The following FBN2 variants were observed in gnomAD, a reference collection of about 807,000 sequenced individuals.
The protein encoded by FBN2 is fibrillin 2.
FBN2 carries 105 observed loss-of-function variants against 355.6 expected under a neutral mutation model. The ratio of observed to expected loss-of-function variants is 0.30; its 90% CI spans 0.25 to 0.35. FBN2 has a LOEUF of 0.35. Among genes scored for constraint, FBN2 ranks in the 10% least tolerant of loss-of-function variants. The pLI is 1.00. For missense variants in FBN2, 3,280 were observed against 3,758.7 expected, an observed-to-expected ratio of 0.87 and a Z score of 3.33; for synonymous variants, 1,350 against 1,301.2, an observed-to-expected ratio of 1.04 and a Z score of -0.81.
chr5:128,497,103 A>T (rs1755675043), intron 5 of FBN2, among the ~76,000 whole-genome samples: 1 of 152,218 alleles, frequency 6.6e-6, no homozygotes, highest in South Asian at 2.1e-4. Flanking sequence ...CAAATTGAAC[A>T]ATGATTTAAG....
At chr5:128,270,385 C>A (rs533617577) in intron 62 of FBN2, among the ~76,000 whole-genome samples, 1 of 151,934 alleles carries the variant, frequency 6.6e-6, no homozygotes. Context: ...AAAAATGAGC[C>A]GGGCATGGTG....
chr5:128,357,131 T>C, intron 20 of FBN2, 145 bp downstream of exon 20: 2 of 996,414 alleles, frequency 2.0e-6, no homozygotes, highest in Non-Finnish European at 3.1e-6. Flanking sequence ...TTTACCTCTA[T>C]ATTGATATTG....
chr5:128,345,487 G>A lies in FBN2; in HGVS notation c.3087C>T (p.Val1029=), dbSNP rs777392642. Residue 1029 remains valine (V), a synonymous_variant, in exon 24 of 65, where the codon GTC becomes GTT. Transcript: ENST00000262464. ...KFRMDACCCA[V]GAAWGTECEE... is the part of the protein sequence containing the mutation. ...CACACTCGGTGCCCCAAGCCGCCCCGACAGCACAGCAGCAGGCATCCATGC... is the reference window on the plus strand; with the variant it reads ...CACACTCGGTGCCCCAAGCCGCCCCAACAGCACAGCAGCAGGCATCCATGC... The A allele has an allele frequency of 7.9e-5, 128 of 1,614,000 alleles. No individual in the cohort carries two copies. In the African/African-American group the frequency reaches 1.1e-3, roughly 14 times the overall value.
intron 7 of FBN2, among the ~76,000 whole-genome samples, chr5:128,440,408 A>G (rs2127046256): frequency 6.6e-6 from 1 of 152,324 alleles, no homozygotes; most frequent in South Asian, 2.1e-4. Flanking sequence ...ACATACAATC[A>G]TGGTGGAAGG....
chr5:128,481,096 C>T (rs1755172414), intron 5 of FBN2, among the ~76,000 whole-genome samples: 1 of 152,078 alleles, frequency 6.6e-6, no homozygotes, highest in South Asian at 2.1e-4. Context: ...AGCCAGGTTT[C>T]ACAGCCTGAA....
intron 5 of FBN2, among the ~76,000 whole-genome samples, chr5:128,484,352 T>G (rs1755277152): frequency 6.6e-6 from 1 of 152,138 alleles, no homozygotes. Context: ...TCACCTTAAC[T>G]AAAACTGCAA....
chr5:128,472,972 C>A (rs190067563), intron 5 of FBN2, among the ~76,000 whole-genome samples: 79 of 152,224 alleles, frequency 5.2e-4, no homozygotes, highest in South Asian at 1.5e-3. Flanking sequence ...TGCAGAGTCA[C>A]CATGGAGGGC....
At chr5:128,265,856 C>A (rs62374974) in intron 62 of FBN2, among the ~76,000 whole-genome samples, 3,161 of 152,274 alleles carry the variant, frequency 0.021, 46 homozygotes, top group Non-Finnish European at 0.032. Context: ...GGTTTAGTAA[C>A]ATCGTAGGTT....
chr5:128,465,167 T>G (rs1754676005), intron 5 of FBN2, among the ~76,000 whole-genome samples: 1 of 152,242 alleles, frequency 6.6e-6, no homozygotes, highest in Admixed American at 6.5e-5. Context: ...GATACAGATG[T>G]GCCTTCTTGG....
At chr5:128,328,176 G>T in intron 34 of FBN2, 2 of 186,984 alleles carry the variant, frequency 1.1e-5, no homozygotes, top group Admixed American at 5.4e-5. Context: ...TCTAGGAAAG[G>T]TGGATGATGT....
chr5:128,386,870 T>C (rs1262161257), intron 11 of FBN2, among the ~76,000 whole-genome samples: 1 of 152,146 alleles, frequency 6.6e-6, no homozygotes. Context: ...TTTACATCTA[T>C]GTTCGTCAAG....
intron 19 of FBN2, among the ~76,000 whole-genome samples, chr5:128,359,542 T>C (rs1751585721): frequency 1.3e-5 from 2 of 152,116 alleles, no homozygotes; most frequent in Non-Finnish European, 2.9e-5. Context: ...AAATCATTTT[T>C]ATTTCCTCCA....
At chr5:128,437,450 T>A (rs35125688) in intron 7 of FBN2, among the ~76,000 whole-genome samples, 9,419 of 152,274 alleles carry the variant, frequency 0.062, 386 homozygotes, top group Admixed American at 0.085. Context: ...GAATGGAGTA[T>A]CTCTAGATTT....
chr5:128,402,154 T>A (rs1453606377), intron 8 of FBN2, among the ~76,000 whole-genome samples: 1 of 151,990 alleles, frequency 6.6e-6, no homozygotes, highest in Non-Finnish European at 1.5e-5. Flanking sequence ...TATTAAAAAA[T>A]GTATCATGTG....
At chr5:128,298,750 C>A (rs929107174) in intron 48 of FBN2, among the ~76,000 whole-genome samples, 10 of 152,092 alleles carry the variant, frequency 6.6e-5, no homozygotes, top group Non-Finnish European at 1.2e-4. Context: ...AAATTTTTTT[C>A]AAAGTTTTCA....
At chr5:128,337,002 C>T (rs908890039) in intron 27 of FBN2, among the ~76,000 whole-genome samples, 10 of 151,948 alleles carry the variant, frequency 6.6e-5, no homozygotes, top group Non-Finnish European at 1.3e-4. Context: ...CTGCATTGTT[C>T]CTTTGGGGGA....
intron 7 of FBN2, among the ~76,000 whole-genome samples, chr5:128,430,712 C>T (rs1202374634): frequency 6.6e-6 from 1 of 151,936 alleles, no homozygotes; most frequent in Non-Finnish European, 1.5e-5. Flanking sequence ...GGTGTGGTGG[C>T]ACAGGCCTAT....
intron 36 of FBN2, among the ~76,000 whole-genome samples, chr5:128,317,307 C>G (rs1029430533): frequency 1.4e-4 from 21 of 152,156 alleles, no homozygotes; most frequent in African/African-American, 4.8e-4. Context: ...GTTGCAACTC[C>G]AGCCCTTAGA....
chr5:128,529,133 G>A (rs1267470808), intron 3 of FBN2, among the ~76,000 whole-genome samples: 1 of 152,176 alleles, frequency 6.6e-6, no homozygotes, highest in East Asian at 1.9e-4. Context: ...TTTCTTGAGT[G>A]GAGATGTCAA....
Sources: gnomAD v4.1 joint callset for allele counts (sites outside exome capture counted in the v4.1 genomes callset) on GRCh38, gnomAD v4.1.1 for gene constraint, MANE v1.5 for transcripts, NCBI Gene and HGNC (gene_info 2026-07-23, HGNC 2026-07-21) for gene names.